Variants in RNF17 observed in about 807,000 individuals in gnomAD.
RNF17 encodes the protein ring finger protein 17.
A neutral mutation model predicts 200.5 loss-of-function variants in RNF17; 31 were observed. The observed-to-expected ratio is 0.15, with a 90% CI of 0.12 to 0.21. The LOEUF (loss-of-function observed/expected upper bound fraction) is 0.21. Among genes scored for constraint, RNF17 ranks in the 10% least tolerant of loss-of-function variants. The pLI is 1.00. For missense variants in RNF17, 1,628 were observed against 1,905.1 expected (o/e 0.85, Z 2.71); for synonymous variants, 606 against 637.8 (o/e 0.95, Z 0.75).
At chr13:24,809,510 G>A (rs200777205) in intron 15 of RNF17, among the ~76,000 whole-genome samples, 50 of 151,892 alleles carry the variant, frequency 3.3e-4, no homozygotes, top group African/African-American at 9.0e-4. Flanking sequence ...TTTTTATTGC[G>A]TCTATTTGAT....
At chr13:24,763,939 A>C (rs1023960936), upstream of RNF17, among the ~76,000 whole-genome samples, 1 of 152,228 alleles carries the variant, frequency 6.6e-6, no homozygotes, top group African/African-American at 2.4e-5. Context: ...ATTTGTGATG[A>C]CTAAAAGCAC....
intron 7 of RNF17, 72 bp downstream of exon 7, chr13:24,788,231 A>G: frequency 8.2e-7 from 1 of 1,219,154 alleles, no homozygotes; most frequent in Non-Finnish European, 1.1e-6. Flanking sequence ...TATATTTAAG[A>G]CAAGAATTTG....
At chr13:24,797,692 G>GAT in intron 11 of RNF17, among the ~76,000 whole-genome samples, 1 of 143,868 alleles carries the variant, frequency 7.0e-6, no homozygotes, top group Non-Finnish European at 1.5e-5. Flanking sequence ...GAGAGAGAGA[G>GAT]AGAGAGACAA....
At position 24,854,093 on chromosome 13, in the gene RNF17, G is replaced by A. The variant is rs906101366; in HGVS notation, c.3559G>A (p.Val1187Ile). 2 of 1,613,842 alleles carry A rather than the reference G, an allele frequency of 1.2e-6. No individual in the cohort carries two copies. Among genetic ancestry groups the A allele is most frequent in the Admixed American group, 3.3e-5 (2 of 60,002 alleles). Residue 1187 changes from valine to isoleucine, a missense_variant, in exon 25 of 36, where the codon GTC becomes ATC. Around this residue, in one of 5 missense-constraint regions of RNF17, gnomAD observed 609 missense variants for 681.9 expected, o/e 0.89. Transcript: ENST00000255324. ...TAACATGAACGTATTTGAGGCAACAGTCAGCTGTGTTGGTGATGATGGAAC... is the reference window on the plus strand; with the variant it reads ...TAACATGAACGTATTTGAGGCAACAATCAGCTGTGTTGGTGATGATGGAAC... ...IPNMNVFEAT[V>I]SCVGDDGTIF...
intron 12 of RNF17, 68 bp from the exon 13 acceptor site, chr13:24,800,298 T>C: frequency 9.0e-7 from 1 of 1,112,270 alleles, no homozygotes; most frequent in South Asian, 1.8e-5. Context: ...ATGCATACCT[T>C]CTGTGGGGGA....
chr13:24,797,572 C>G (rs918312862), intron 11 of RNF17, among the ~76,000 whole-genome samples: 3 of 151,942 alleles, frequency 2.0e-5, no homozygotes, highest in Non-Finnish European at 4.4e-5. Context: ...GCACATTCTC[C>G]CCGTGTCTGT....
At chr13:24,807,738 G>C (rs938167199) in intron 15 of RNF17, among the ~76,000 whole-genome samples, 7 of 152,162 alleles carry the variant, frequency 4.6e-5, no homozygotes, top group African/African-American at 1.7e-4. Context: ...TGTCCTGAAT[G>C]TTAATGCCTA....
At chr13:24,824,025 G>A (rs1375601845) in intron 15 of RNF17, among the ~76,000 whole-genome samples, 1 of 152,174 alleles carries the variant, frequency 6.6e-6, no homozygotes, top group African/African-American at 2.4e-5. Context: ...TCTGGTTCAG[G>A]GGAGGGAACT....
chr13:24,772,031 G>T (rs1380058139), intron 2 of RNF17, among the ~76,000 whole-genome samples: 1 of 152,116 alleles, frequency 6.6e-6, no homozygotes, highest in Non-Finnish European at 1.5e-5. Context: ...GGCGGTATAT[G>T]TTTAATTATT....
At chr13:24,853,337 A>AT (rs1007137187) in intron 24 of RNF17, among the ~76,000 whole-genome samples, 4 of 151,836 alleles carry the variant, frequency 2.6e-5, no homozygotes, top group Non-Finnish European at 2.9e-5. Context: ...AGGGATACCT[A>AT]TTTTTTTTAA....
At chr13:24,767,458 C>G in intron 2 of RNF17, 92 bp downstream of exon 2, 1 of 947,870 alleles carries the variant, frequency 1.1e-6, no homozygotes, top group East Asian at 2.5e-5. Context: ...TAGTTAGAAA[C>G]TAAAAAGTTG....
At chr13:24,771,612 C>T (rs1313843313) in intron 2 of RNF17, among the ~76,000 whole-genome samples, 4 of 149,922 alleles carry the variant, frequency 2.7e-5, no homozygotes, top group African/African-American at 4.9e-5. Flanking sequence ...TCATTTTTAC[C>T]CCTGCTTCAT....
chr13:24,842,712 A>G (rs1890769883), intron 19 of RNF17, among the ~76,000 whole-genome samples: 1 of 152,112 alleles, frequency 6.6e-6, no homozygotes, highest in African/African-American at 2.4e-5. Flanking sequence ...GAATTCTTGC[A>G]CAACAGGGAC....
chr13:24,882,978 A>C (rs572860218), downstream of RNF17: 1 of 590,704 alleles, frequency 1.7e-6, no homozygotes, highest in East Asian at 2.9e-5. Context: ...CTATTGAAAG[A>C]CAGGGTAGTG....
chr13:24,807,120 T>A (rs1359168477), intron 15 of RNF17, among the ~76,000 whole-genome samples: 1 of 151,998 alleles, frequency 6.6e-6, no homozygotes, highest in Non-Finnish European at 1.5e-5. Flanking sequence ...CGTGTGCATG[T>A]GTCTTTATAG....
At chr13:24,763,829 G>T (rs1879121831), upstream of RNF17, among the ~76,000 whole-genome samples, 1 of 152,158 alleles carries the variant, frequency 6.6e-6, no homozygotes, top group African/African-American at 2.4e-5. Context: ...CAGGTTTAGG[G>T]CTTCTGGCCC....
the RNF17 span, chr13:24,751,484 C>T: frequency 0.22 from 34,137 of 151,858 alleles, 4,237 homozygotes; most frequent in South Asian, 0.33. Flanking sequence ...TCTTCCATTT[C>T]GGTGGTAGGC....
the RNF17 span, among the ~76,000 whole-genome samples, chr13:24,758,835 G>C: frequency 6.6e-6 from 1 of 151,946 alleles, no homozygotes; most frequent in Non-Finnish European, 1.5e-5. Context: ...CTAGCACTTC[G>C]GGAGGCCAAG....
intron 15 of RNF17, among the ~76,000 whole-genome samples, chr13:24,819,813 G>T (rs921245185): frequency 6.6e-6 from 1 of 152,140 alleles, no homozygotes; most frequent in African/African-American, 2.4e-5. Flanking sequence ...ATTTACCCAT[G>T]TATTTACCTT....
Sources: allele counts gnomAD v4.1 joint callset (sites outside exome capture counted in the v4.1 genomes callset), GRCh38; gene constraint gnomAD v4.1.1; regional missense constraint gnomAD v4.1.1; transcripts MANE v1.5; gene names NCBI Gene and HGNC (gene_info 2026-07-23, HGNC 2026-07-21).